KIAA1549: variants seen among roughly 807,000 people sequenced by gnomAD.
The protein encoded by KIAA1549 is KIAA1549, also known as UPF0606 protein KIAA1549.
KIAA1549 carries 70 observed loss-of-function variants against 156.4 expected under a neutral mutation model. The ratio of observed to expected loss-of-function variants is 0.45; its 90% CI spans 0.37 to 0.55. The LOEUF is 0.55. Among genes scored for constraint, KIAA1549 ranks in the 20% least tolerant of loss-of-function variants. The pLI is 0.00. For synonymous variants in KIAA1549, 1,103 were observed against 1,066.4 expected, an observed-to-expected ratio of 1.03 and a Z score of -0.67; for missense variants, 2,428 against 2,540.9, an observed-to-expected ratio of 0.96 and a Z score of 0.96.
chr7:138,845,160 TATTTA>T (rs1163896851), intron 17 of KIAA1549, among the ~76,000 whole-genome samples: 1 of 152,172 alleles, frequency 6.6e-6, no homozygotes. Flanking sequence ...AAAAAGTAAG[TATTTA>T]TTTTAAAAAT....
chr7:138,922,084 C>A (rs1450112577), intron 1 of KIAA1549, among the ~76,000 whole-genome samples: 5 of 152,174 alleles, frequency 3.3e-5, no homozygotes, highest in Non-Finnish European at 7.3e-5. Context: ...GACTTCTAGC[C>A]TCCAGAACGG....
chr7:138,915,970 T>C (rs1434145414), intron 2 of KIAA1549, among the ~76,000 whole-genome samples: 1 of 152,224 alleles, frequency 6.6e-6, no homozygotes, highest in Non-Finnish European at 1.5e-5. Context: ...ACAGCAGCCA[T>C]GCAACTGCAA....
chr7:138,912,906 G>A lies in KIAA1549; in HGVS notation c.2879-446C>T, dbSNP rs961925147. Among the ~76,000 whole-genome samples the A allele has an allele frequency of 2.0e-5, 3 of 152,040 alleles. No individual in the cohort carries two copies. The South Asian group carries it at 6.2e-4, about 32-fold the overall frequency. ...TTCTTTTCTTTTCTTTTTGAGACCCGCTCTGTCGCCCAGGCTGGAGTGCAG... is the reference window on the plus strand; with the variant it reads ...TTCTTTTCTTTTCTTTTTGAGACCCACTCTGTCGCCCAGGCTGGAGTGCAG... On this transcript the variant is annotated intron_variant, in intron 2 of 19. Transcript: ENST00000422774.
At chr7:138,961,390 T>A (rs1032744669) in intron 1 of KIAA1549, among the ~76,000 whole-genome samples, 5 of 152,052 alleles carry the variant, frequency 3.3e-5, no homozygotes, top group Non-Finnish European at 7.4e-5. Context: ...AGAAAATAGA[T>A]CTATTAGGCT....
chr7:138,910,970 T>C (rs180809372), intron 4 of KIAA1549, among the ~76,000 whole-genome samples, 176 bp downstream of exon 4: 1 of 152,188 alleles, frequency 6.6e-6, no homozygotes, highest in East Asian at 1.9e-4. Flanking sequence ...GGTTCAAGGC[T>C]ACAGTGAGCT....
At chr7:138,847,401 G>A (rs1278548456) in intron 17 of KIAA1549, among the ~76,000 whole-genome samples, 2 of 152,078 alleles carry the variant, frequency 1.3e-5, no homozygotes, top group Non-Finnish European at 2.9e-5. Context: ...GAGGAAGGGC[G>A]GAGAAAAGCA....
At chr7:138,838,655 T>C (rs559885696) in intron 19 of KIAA1549, among the ~76,000 whole-genome samples, 3 of 152,190 alleles carry the variant, frequency 2.0e-5, no homozygotes, top group Non-Finnish European at 4.4e-5. Context: ...ATTATTACAC[T>C]TTTCAGATTT....
intron 6 of KIAA1549, 82 bp downstream of exon 6, chr7:138,906,837 A>C: frequency 1.7e-6 from 2 of 1,162,640 alleles, no homozygotes; most frequent in South Asian, 4.0e-5. Context: ...CTTTTAAAAA[A>C]CTAAAAAAAT....
chr7:138,841,122 C>A (rs929244857), intron 18 of KIAA1549, among the ~76,000 whole-genome samples: 1 of 152,094 alleles, frequency 6.6e-6, no homozygotes, highest in Non-Finnish European at 1.5e-5. Flanking sequence ...CAGTTACCAA[C>A]AAGGAGCAGC....
intron 12 of KIAA1549, among the ~76,000 whole-genome samples, chr7:138,876,621 G>A (rs938444610): frequency 2.0e-5 from 3 of 152,210 alleles, no homozygotes; most frequent in African/African-American, 7.2e-5. Flanking sequence ...AGAATGCTGA[G>A]TATTTTGCAA....
chr7:138,916,872 C>G lies in KIAA1549; in HGVS notation c.2754G>C (p.Leu918=). The G allele has an allele frequency of 6.2e-7, 1 of 1,613,850 alleles. No individual in the cohort carries two copies. The change falls in exon 2 of 20, where the codon CTG becomes CTC. Residue 918 remains leucine (L), a synonymous_variant. Coordinates refer to ENST00000422774, the MANE Select transcript of KIAA1549 (RefSeq NM_001164665.2). Reference sequence around the variant, plus strand: ...AGGCAGTCACGGGACGCAGGGATGGCAGGGGAGGAGCAGCACTACTCTCTG... The same window carrying G: ...AGGCAGTCACGGGACGCAGGGATGGGAGGGGAGGAGCAGCACTACTCTCTG... The part of the protein sequence containing the change: ...SPPESSAAPP[L]PSLRPVTAFT...
chr7:138,891,555 A>G (rs964396630), intron 10 of KIAA1549, among the ~76,000 whole-genome samples: 6 of 152,374 alleles, frequency 3.9e-5, no homozygotes, highest in Non-Finnish European at 7.3e-5. Context: ...AACAAGACAG[A>G]ATGGCCTCTC....
At chr7:138,841,517 A>G (rs1809917620) in intron 18 of KIAA1549, among the ~76,000 whole-genome samples, 1 of 152,188 alleles carries the variant, frequency 6.6e-6, no homozygotes, top group Non-Finnish European at 1.5e-5. Flanking sequence ...TCGTATGGAA[A>G]TATACCTATA....
rs759077852 is a variant in KIAA1549, at chr7:138,861,346, G to A, written c.5040C>T (p.Ile1680=). ...AGTGCATGGTCTGGCGTGCCTCCTC[G>A]ATGGACGGCTGGGGTGGGATGTACT... The part of the protein sequence containing the change: ...ASQYIPPQPS[I]EEARQTMHSL... The change falls in exon 16 of 20, where the codon ATC becomes ATT. Residue 1680 remains isoleucine (I), a synonymous_variant. Coordinates refer to ENST00000422774, the MANE Select transcript of KIAA1549 (RefSeq NM_001164665.2). 100 of 1,609,140 alleles carry A rather than the reference G, an allele frequency of 6.2e-5. No homozygotes were observed. Among genetic ancestry groups the A allele is most frequent in the Non-Finnish European group, 7.8e-5 (92 of 1,178,618 alleles).
chr7:138,935,665 G>T (rs561405976), intron 1 of KIAA1549, among the ~76,000 whole-genome samples: 1 of 152,246 alleles, frequency 6.6e-6, no homozygotes, highest in African/African-American at 2.4e-5. Flanking sequence ...CCAACAGCAG[G>T]AGCCAGCAGC....
In KIAA1549 at chr7:138,939,866, G is replaced by A. The variant is rs1213309876; in HGVS notation, c.188-20428C>T. ...GCCTGCATTAATTAAAGATATTCCA[G>A]CCGGGCGTGGTGGCTCACGCCTATA... On this transcript the variant is annotated intron_variant, in intron 1 of 19. Coordinates refer to ENST00000422774, the MANE Select transcript of KIAA1549 (RefSeq NM_001164665.2). 2.6e-5 allele frequency among the ~76,000 whole-genome samples: 4 copies of A among 152,252 alleles called. No individual in the cohort carries two copies. In the East Asian group the frequency reaches 5.8e-4, roughly 22 times the overall value.
chr7:138,859,624 A>G (rs1810496623), intron 16 of KIAA1549, among the ~76,000 whole-genome samples: 1 of 152,040 alleles, frequency 6.6e-6, no homozygotes, highest in Non-Finnish European at 1.5e-5. Context: ...CAGGGAGACC[A>G]CAGAGCTCTG....
At chr7:138,961,420 G>A (rs1291152923) in intron 1 of KIAA1549, among the ~76,000 whole-genome samples, 1 of 152,018 alleles carries the variant, frequency 6.6e-6, no homozygotes, top group African/African-American at 2.4e-5. Flanking sequence ...GGCTGAGAGA[G>A]CTGCTTTGGG....
intron 1 of KIAA1549, among the ~76,000 whole-genome samples, chr7:138,975,290 G>C (rs1272060292): frequency 6.6e-6 from 1 of 152,204 alleles, no homozygotes; most frequent in Non-Finnish European, 1.5e-5. Flanking sequence ...TGAGTGTGTG[G>C]ATGCAAGAGG....
Sources: allele counts gnomAD v4.1 joint callset (sites outside exome capture counted in the v4.1 genomes callset), GRCh38; gene constraint gnomAD v4.1.1; transcripts MANE v1.5; gene names NCBI Gene and HGNC (gene_info 2026-07-23, HGNC 2026-07-21).